The following DIP2C variants were observed in gnomAD, a reference collection of about 807,000 sequenced individuals.
DIP2C encodes the protein disco-interacting protein 2 homolog C.
DIP2C carries 33 observed loss-of-function variants against 192.4 expected under a neutral mutation model. The observed-to-expected ratio is 0.17, with a 90% CI of 0.13 to 0.23. The LOEUF (loss-of-function observed/expected upper bound fraction) is 0.23, where lower values mean the gene tolerates loss of function less well. Ranked by LOEUF, DIP2C falls within the 10% of genes least tolerant of loss-of-function variation. The pLI is 1.00. For synonymous variants in DIP2C, 979 were observed against 864.1 expected, an observed-to-expected ratio of 1.13 and a Z score of -2.33; for missense variants, 1,537 against 2,110.1, an observed-to-expected ratio of 0.73 and a Z score of 5.32.
Position 364,418 on chromosome 10 carries a change from G to A in DIP2C, c.2433C>T (p.Ala811=). The A allele has an allele frequency of 2.5e-6, 4 of 1,614,060 alleles. No individual in the cohort carries two copies. Among genetic ancestry groups the A allele is most frequent in the Non-Finnish European group, 2.5e-6 (3 of 1,180,042 alleles). ...TCATGGGTTCTACGGCCAGCGCAGTGGCCACGATGTCGTCGGCGTTGTGCC... is the reference window on the plus strand; with the variant it reads ...TCATGGGTTCTACGGCCAGCGCAGTAGCCACGATGTCGTCGGCGTTGTGCC... ...GRRHNADDIV[A]TALAVEPMKF... The change falls in exon 20 of 37, where the codon GCC becomes GCT. Residue 811 remains alanine (A), a synonymous_variant. Transcript: ENST00000280886.
chr10:603,333 A>G (rs1046730015), intron 1 of DIP2C, among the ~76,000 whole-genome samples: 4 of 121,204 alleles, frequency 3.3e-5, no homozygotes, highest in African/African-American at 3.5e-5. Flanking sequence ...AAAAAAAAAA[A>G]CCAACCATGA....
chr10:564,594 T>C (rs543213732), intron 1 of DIP2C, among the ~76,000 whole-genome samples: 66 of 151,690 alleles, frequency 4.4e-4, no homozygotes, highest in Non-Finnish European at 5.1e-4. Context: ...CTGGACTCTG[T>C]GGCATTTTGC....
At chr10:362,879 C>T (rs199648496) in intron 21 of DIP2C, among the ~76,000 whole-genome samples, 188 bp from the exon 22 acceptor site, 8 of 152,248 alleles carry the variant, frequency 5.3e-5, no homozygotes, top group Non-Finnish European at 1.0e-4. Context: ...TAATGTTACC[C>T]AGGGCTTGTG....
At chr10:373,440 G>C (rs1477680779) in intron 17 of DIP2C, among the ~76,000 whole-genome samples, 2 of 152,142 alleles carry the variant, frequency 1.3e-5, no homozygotes, top group Non-Finnish European at 1.5e-5. Flanking sequence ...AAGAAAAGCA[G>C]AATCAAGATG....
chr10:524,218 C>A (rs1000528873), intron 1 of DIP2C, among the ~76,000 whole-genome samples: 5 of 152,186 alleles, frequency 3.3e-5, no homozygotes, highest in Admixed American at 6.5e-5. Context: ...GCAATCCTGG[C>A]AACCACCTGC....
intron 1 of DIP2C, among the ~76,000 whole-genome samples, chr10:674,865 C>T (rs1830820254): frequency 6.7e-6 from 1 of 149,246 alleles, no homozygotes; most frequent in Non-Finnish European, 1.5e-5. Flanking sequence ...CAAAACCCCA[C>T]TTTCAGCACT....
intron 32 of DIP2C, among the ~76,000 whole-genome samples, chr10:306,634 G>C (rs372003477): frequency 2.0e-5 from 3 of 152,206 alleles, no homozygotes; most frequent in Non-Finnish European, 4.4e-5. Flanking sequence ...AAAGAAATAA[G>C]ATCAGTGCTT....
intron 1 of DIP2C, among the ~76,000 whole-genome samples, chr10:639,509 G>A (rs1387884152): frequency 5.9e-5 from 9 of 152,212 alleles, no homozygotes; most frequent in Non-Finnish European, 5.9e-5. Context: ...GGTGCTGCCC[G>A]GCTCTCAGTA....
chr10:594,812 C>T (rs1851609489), intron 1 of DIP2C, among the ~76,000 whole-genome samples: 1 of 152,222 alleles, frequency 6.6e-6, no homozygotes, highest in African/African-American at 2.4e-5. Flanking sequence ...TCTCCGGGTT[C>T]AGATCATGTC....
At chr10:650,212 A>G (rs1193736336) in intron 1 of DIP2C, 8 of 717,168 alleles carry the variant, frequency 1.1e-5, no homozygotes, top group African/African-American at 1.0e-4. Flanking sequence ...GGGAGGCCAC[A>G]CGGGGAGGGC....
chr10:354,833 A>G lies in DIP2C; in HGVS notation c.2985+1593T>C, dbSNP rs576686326. Among the ~76,000 whole-genome samples, 22 of 151,982 alleles carry G rather than the reference A, an allele frequency of 1.4e-4. No individual in the cohort carries two copies. In the South Asian group the frequency reaches 4.2e-3, roughly 29 times the overall value. ...GAGATGATACTGGAAATCTCTAGAG[A>G]ACTGCCAAGACCACAGGGAAAGAGG... is the stretch of plus-strand genomic sequence containing the variant. On this transcript the variant is annotated intron_variant, in intron 24 of 36. Transcript: ENST00000280886.
intron 22 of DIP2C, among the ~76,000 whole-genome samples, 179 bp downstream of exon 22, chr10:362,311 C>A (rs1185687146): frequency 6.6e-6 from 1 of 152,220 alleles, no homozygotes; most frequent in Non-Finnish European, 1.5e-5. Flanking sequence ...AAGGCATTTA[C>A]AGCCAGAAGA....
At chr10:329,678 G>C in intron 29 of DIP2C, 77 bp from the exon 30 acceptor site, 1 of 1,503,300 alleles carries the variant, frequency 6.7e-7, no homozygotes, top group Non-Finnish European at 8.9e-7. Flanking sequence ...GCTCAGGGCA[G>C]CACTGACTCC....
At chr10:672,934 G>A (rs2119032913) in intron 1 of DIP2C, among the ~76,000 whole-genome samples, 1 of 152,342 alleles carries the variant, frequency 6.6e-6, no homozygotes, top group South Asian at 2.1e-4. Flanking sequence ...AAAAATGTAG[G>A]AATTGTACAG....
rs116289662 is a variant in DIP2C at position 536,930 on chromosome 10, C to T, written c.86-50400G>A. Among the ~76,000 whole-genome samples the T allele has an allele frequency of 3.3e-3, 501 of 152,298 alleles. 5 individuals carry two copies. The highest frequency in any genetic ancestry group is 0.012 in the African/African-American group (484 of 41,560). Reference sequence around the variant, plus strand: ...GTTCTTTATTCTGTTTTTCCCAGAACTTATCATCCCTGCCGTGACACCACC... The same window carrying T: ...GTTCTTTATTCTGTTTTTCCCAGAATTTATCATCCCTGCCGTGACACCACC... On this transcript the variant is annotated intron_variant, in intron 1 of 36. Coordinates refer to ENST00000280886, the MANE Select transcript of DIP2C (RefSeq NM_014974.3).
At chr10:671,039 G>C (rs1056517191) in intron 1 of DIP2C, among the ~76,000 whole-genome samples, 3 of 152,218 alleles carry the variant, frequency 2.0e-5, no homozygotes, top group Non-Finnish European at 4.4e-5. Context: ...GATCTGCCCC[G>C]AGGCCGCTTC....
intron 8 of DIP2C, among the ~76,000 whole-genome samples, chr10:412,718 T>C (rs76737402): frequency 0.017 from 2,557 of 152,298 alleles, 76 homozygotes; most frequent in African/African-American, 0.058. Context: ...CGGTTCAACA[T>C]AGCATCTGGC....
chr10:292,063 T>C (rs1461648703), intron 32 of DIP2C, among the ~76,000 whole-genome samples: 2 of 152,246 alleles, frequency 1.3e-5, no homozygotes, highest in East Asian at 1.9e-4. Flanking sequence ...GAGGCTGGCG[T>C]CCAGCAGAGC....
At chr10:615,023 C>T (rs1463029279) in intron 1 of DIP2C, among the ~76,000 whole-genome samples, 3 of 152,228 alleles carry the variant, frequency 2.0e-5, no homozygotes, top group East Asian at 1.9e-4. Context: ...GCTGGTCCCA[C>T]GCCAGCCAGA....
Sources: allele counts gnomAD v4.1 joint callset (sites outside exome capture counted in the v4.1 genomes callset), GRCh38; gene constraint gnomAD v4.1.1; transcripts MANE v1.5; gene names NCBI Gene and HGNC (gene_info 2026-07-23, HGNC 2026-07-21).